The following TGFA variants were observed in gnomAD, a reference collection of about 807,000 sequenced individuals.
TGFA encodes protransforming growth factor alpha.
In TGFA, 12 loss-of-function variants were observed where a neutral mutation model predicts 21.7. The observed-to-expected ratio is 0.55, with a 90% CI of 0.35 to 0.90. The LOEUF (loss-of-function observed/expected upper bound fraction) is 0.90. Among genes scored for constraint, TGFA ranks in the 40% least tolerant of loss-of-function variants. The pLI is 0.01. For missense variants in TGFA, 178 were observed against 210.8 expected, an observed-to-expected ratio of 0.84 and a Z score of 0.96; for synonymous variants, 79 against 88.1, an observed-to-expected ratio of 0.90 and a Z score of 0.58.
chr2:70,482,111 A>AT (rs35836290), intron 2 of TGFA, among the ~76,000 whole-genome samples: 232 of 147,882 alleles, frequency 1.6e-3, no homozygotes, highest in Middle Eastern at 3.5e-3. Flanking sequence ...GAAAATTCTG[A>AT]TTTTTTTTTT....
At chr2:70,514,666 C>T (rs558182632) in intron 2 of TGFA, among the ~76,000 whole-genome samples, 193 bp downstream of exon 2, 106 of 152,076 alleles carry the variant, frequency 7.0e-4, no homozygotes, top group Non-Finnish European at 1.1e-3. Context: ...CCAGGAACAG[C>T]CCCCCCTTGG....
intron 1 of TGFA, among the ~76,000 whole-genome samples, chr2:70,516,745 A>G (rs1574123948): frequency 6.6e-6 from 1 of 152,184 alleles, no homozygotes; most frequent in Non-Finnish European, 1.5e-5. Flanking sequence ...TCATGTTCTG[A>G]CTTCGCTGGC....
At chr2:70,456,670 G>T (rs180726085) in intron 3 of TGFA, among the ~76,000 whole-genome samples, 182 bp from the exon 4 acceptor site, 1 of 152,330 alleles carries the variant, frequency 6.6e-6, no homozygotes, top group East Asian at 1.9e-4. Flanking sequence ...CGCAGGCACC[G>T]CTGCTTATGT....
At position 70,503,582 on chromosome 2, in the gene TGFA, T is replaced by TG. The variant is rs1559123413; in HGVS notation, c.94+11276_94+11277insC. 1.7e-4 allele frequency among the ~76,000 whole-genome samples: 25 copies of TG among 142,862 alleles called. No individual in the cohort carries two copies. In the East Asian group the frequency reaches 4.8e-3, roughly 28 times the overall value. The allele number at this position is 142,862 out of a possible 152,430, so 93.7% of individuals were successfully genotyped here. ...AAAACCTAAAGTATAATAATAATAA[T>TG]AAAAAAAAAAAAAGAAACTTGCCTA... is the stretch of plus-strand genomic sequence containing the variant. On this transcript the variant is annotated intron_variant, in intron 2 of 5. Coordinates refer to ENST00000295400, the MANE Select transcript of TGFA (RefSeq NM_003236.4).
Position 70,463,072 on chromosome 2 carries a change from G to A in TGFA, c.215+2544C>T, listed in dbSNP as rs6730064. Among the ~76,000 whole-genome samples, 224 of 152,220 alleles carry A rather than the reference G, an allele frequency of 1.5e-3. 1 individual carries two copies. Among genetic ancestry groups the A allele is most frequent in the African/African-American group, 4.8e-3 (199 of 41,524 alleles). On this transcript the variant is annotated intron_variant, in intron 3 of 5. Coordinates refer to ENST00000295400, the MANE Select transcript of TGFA (RefSeq NM_003236.4). ...CTCTGGGCAGCAGCTGGGAGCATGG[G>A]TTCTGGTGCTGGAATGATGGGACTG...
chr2:70,504,000 T>A (rs1559123620), intron 2 of TGFA, among the ~76,000 whole-genome samples: 1 of 152,286 alleles, frequency 6.6e-6, no homozygotes, highest in East Asian at 1.9e-4. Context: ...ACGAAAAGAC[T>A]CTTTTAGGAA....
chr2:70,459,896 A>T (rs1180567406), intron 3 of TGFA, among the ~76,000 whole-genome samples: 2 of 152,146 alleles, frequency 1.3e-5, no homozygotes, highest in African/African-American at 4.8e-5. Flanking sequence ...CCAAGGTGGG[A>T]GGCACCTGGG....
At chr2:70,467,973 G>T (rs565265293) in intron 2 of TGFA, among the ~76,000 whole-genome samples, 27 of 152,260 alleles carry the variant, frequency 1.8e-4, no homozygotes, top group African/African-American at 6.3e-4. Context: ...GCCTCTCCTA[G>T]CCTGCCTCTG....
At chr2:70,485,963 G>C (rs556628908) in intron 2 of TGFA, among the ~76,000 whole-genome samples, 1 of 152,230 alleles carries the variant, frequency 6.6e-6, no homozygotes, top group Admixed American at 6.5e-5. Context: ...TCCTCCTCCT[G>C]GAACCGAGGA....
intron 1 of TGFA, among the ~76,000 whole-genome samples, chr2:70,529,590 C>CCCT (rs1553503458): frequency 6.7e-6 from 1 of 148,676 alleles, no homozygotes; most frequent in South Asian, 2.1e-4. Context: ...GGAGTGAATC[C>CCCT]CCCCGCCCCA....
intron 1 of TGFA, among the ~76,000 whole-genome samples, chr2:70,540,347 A>G (rs1673099658): frequency 6.6e-6 from 1 of 152,228 alleles, no homozygotes; most frequent in African/African-American, 2.4e-5. Flanking sequence ...CCTTAGATCA[A>G]TGGAACAGAA....
intron 1 of TGFA, among the ~76,000 whole-genome samples, chr2:70,546,062 AACTT>A (rs1553505847): frequency 1.3e-5 from 2 of 152,236 alleles, no homozygotes. Context: ...TGTTAAATCT[AACTT>A]ACAGTGTTAT....
At chr2:70,469,183 C>T (rs1435387040) in intron 2 of TGFA, among the ~76,000 whole-genome samples, 1 of 152,122 alleles carries the variant, frequency 6.6e-6, no homozygotes, top group Non-Finnish European at 1.5e-5. Context: ...CCACCCCTAC[C>T]CAGCCCAGAC....
At chr2:70,498,728 C>T (rs1318839198) in intron 2 of TGFA, among the ~76,000 whole-genome samples, 1 of 152,066 alleles carries the variant, frequency 6.6e-6, no homozygotes, top group Non-Finnish European at 1.5e-5. Flanking sequence ...CATAAAAGTC[C>T]ACACCTGCCA....
intron 5 of TGFA, 120 bp from the exon 6 acceptor site, chr2:70,450,986 G>T (rs1471145048): frequency 4.1e-6 from 5 of 1,232,784 alleles, no homozygotes; most frequent in Middle Eastern, 1.9e-4. Context: ...CTCTCGGGCA[G>T]TTAGGCCCGA....
At chr2:70,509,569 A>G (rs908119398) in intron 2 of TGFA, among the ~76,000 whole-genome samples, 1 of 152,178 alleles carries the variant, frequency 6.6e-6, no homozygotes, top group Admixed American at 6.5e-5. Context: ...CCTCCCAGAC[A>G]CTAAATTAAG....
chr2:70,508,510 T>G (rs1672001132), intron 2 of TGFA, among the ~76,000 whole-genome samples: 1 of 152,192 alleles, frequency 6.6e-6, no homozygotes, highest in Non-Finnish European at 1.5e-5. Context: ...GAAAGATTTA[T>G]GGCACTTACT....
chr2:70,485,398 T>C (rs1489024132), intron 2 of TGFA, among the ~76,000 whole-genome samples: 1 of 152,110 alleles, frequency 6.6e-6, no homozygotes, highest in Non-Finnish European at 1.5e-5. Context: ...CCACCGTGCC[T>C]GGCTAATTTT....
In TGFA at chr2:70,544,130, T is replaced by C. The variant is rs114140721; in HGVS notation, c.40+9598A>G. ...AAACATATTTTAACATCATAAAGAA[T>C]ATATGTGTATATATAATATATAACC... On this transcript the variant is annotated intron_variant, in intron 1 of 5. Transcript: ENST00000295400. Among the ~76,000 whole-genome samples, 901 of 152,096 alleles carry C rather than the reference T, an allele frequency of 5.9e-3. 13 individuals are homozygous for C. Among genetic ancestry groups the C allele is most frequent in the African/African-American group, 0.021 (857 of 41,538 alleles).
Sources: allele counts gnomAD v4.1 joint callset (sites outside exome capture counted in the v4.1 genomes callset), GRCh38; gene constraint gnomAD v4.1.1; transcripts MANE v1.5; gene names NCBI Gene and HGNC (gene_info 2026-07-23, HGNC 2026-07-21).